MDGA2: variants seen among roughly 807,000 people sequenced by gnomAD.
The protein encoded by MDGA2 is MAM domain-containing glycosylphosphatidylinositol anchor protein 2.
Under a neutral mutation model 117.8 loss-of-function variants are expected in MDGA2, and 40 were observed. The ratio of observed to expected loss-of-function variants is 0.34; its 90% CI spans 0.26 to 0.44. The LOEUF is 0.44. MDGA2 is among the 20% of genes least tolerant of loss of function. MDGA2 has a pLI of 1.00. For missense variants in MDGA2, 1,123 were observed against 1,250.6 expected (o/e 0.90, Z 1.54); for synonymous variants, 452 against 439.0 (o/e 1.03, Z -0.37).
chr14:46,999,129 A>G (rs542023039), intron 8 of MDGA2, among the ~76,000 whole-genome samples: 3 of 152,228 alleles, frequency 2.0e-5, no homozygotes, highest in African/African-American at 7.2e-5. Context: ...AGTCAAATTT[A>G]AAATACAGCA....
intron 3 of MDGA2, among the ~76,000 whole-genome samples, chr14:47,192,912 A>G (rs1425143039): frequency 6.6e-6 from 1 of 152,174 alleles, no homozygotes; most frequent in Non-Finnish European, 1.5e-5. Context: ...TCCTTCCCCA[A>G]AACTCACCAG....
chr14:47,267,198 T>G (rs1181637589), intron 2 of MDGA2, among the ~76,000 whole-genome samples: 1 of 152,152 alleles, frequency 6.6e-6, no homozygotes, highest in East Asian at 1.9e-4. Flanking sequence ...ACCTCTCCAC[T>G]TTGATCTCAA....
intron 1 of MDGA2, among the ~76,000 whole-genome samples, chr14:47,348,859 AGT>A (rs1310145620): frequency 6.6e-6 from 1 of 152,210 alleles, no homozygotes; most frequent in African/African-American, 2.4e-5. Context: ...TTAGTTTGCA[AGT>A]GGAGAAAAGT....
intron 2 of MDGA2, among the ~76,000 whole-genome samples, chr14:47,230,593 A>T (rs1313590138): frequency 6.6e-6 from 1 of 151,902 alleles, no homozygotes; most frequent in East Asian, 1.9e-4. Flanking sequence ...TTATGGACAA[A>T]TTTTTACCTC....
chr14:47,013,244 G>A (rs1256033297), intron 8 of MDGA2, among the ~76,000 whole-genome samples: 1 of 152,110 alleles, frequency 6.6e-6, no homozygotes, highest in East Asian at 1.9e-4. Flanking sequence ...AACGAAGTTT[G>A]TAATATTGTA....
intron 2 of MDGA2, among the ~76,000 whole-genome samples, chr14:47,298,996 T>G (rs557574213): frequency 1.2e-4 from 18 of 152,246 alleles, no homozygotes; most frequent in African/African-American, 4.3e-4. Flanking sequence ...GCCCAGTTAA[T>G]TTTTCAATGG....
chr14:47,610,333 G>A (rs575922227), intron 1 of MDGA2, among the ~76,000 whole-genome samples: 1 of 152,150 alleles, frequency 6.6e-6, no homozygotes, highest in African/African-American at 2.4e-5. Flanking sequence ...TCAGACAAGA[G>A]AAAGTAAGGG....
intron 1 of MDGA2, among the ~76,000 whole-genome samples, chr14:47,322,452 A>C (rs942862356): frequency 1.3e-5 from 2 of 152,182 alleles, no homozygotes; most frequent in African/African-American, 4.8e-5. Flanking sequence ...TAGCAAGAAA[A>C]TAAGGAAGCC....
chr14:46,952,059 T>TA (rs1342746496), intron 9 of MDGA2, among the ~76,000 whole-genome samples: 4 of 152,064 alleles, frequency 2.6e-5, no homozygotes, highest in African/African-American at 9.6e-5. Flanking sequence ...TTTACAGAGA[T>TA]AAAACCATAG....
At chr14:47,142,999 C>T (rs111699196) in intron 4 of MDGA2, among the ~76,000 whole-genome samples, 16 of 152,246 alleles carry the variant, frequency 1.1e-4, no homozygotes, top group African/African-American at 3.9e-4. Flanking sequence ...ATAATCACTG[C>T]ATTATTCCAC....
At chr14:47,521,663 G>A (rs988108566) in intron 1 of MDGA2, among the ~76,000 whole-genome samples, 25 of 151,934 alleles carry the variant, frequency 1.6e-4, no homozygotes, top group African/African-American at 3.6e-4. Context: ...ATCTCCATAC[G>A]CATGTTTGTT....
At chr14:47,594,816 G>C (rs186700518) in intron 1 of MDGA2, among the ~76,000 whole-genome samples, 1 of 152,292 alleles carries the variant, frequency 6.6e-6, no homozygotes, top group African/African-American at 2.4e-5. Flanking sequence ...AGATGCTGGT[G>C]ATCAAATGGA....
rs571638785 is a variant in MDGA2, at chr14:47,175,161, C to T, written c.596-30887G>A. Among the ~76,000 whole-genome samples the T allele has an allele frequency of 2.9e-4, 44 of 151,456 alleles. No individual in the cohort carries two copies. The East Asian group carries it at 5.4e-3, about 19-fold the overall frequency. ...CTGAAATTGTGGCAATAATCAATAGCTTACCAACCAAAAAGAGTCCAGGAC... is the reference window on the plus strand; with the variant it reads ...CTGAAATTGTGGCAATAATCAATAGTTTACCAACCAAAAAGAGTCCAGGAC... On this transcript the variant is annotated intron_variant, in intron 3 of 16. Transcript: ENST00000399232.
chr14:47,366,146 A>G (rs1594819100), intron 1 of MDGA2, among the ~76,000 whole-genome samples: 1 of 152,146 alleles, frequency 6.6e-6, no homozygotes, highest in East Asian at 1.9e-4. Flanking sequence ...GAAAAATTCA[A>G]GCGTTCTTTC....
intron 7 of MDGA2, among the ~76,000 whole-genome samples, chr14:47,056,993 C>A (rs1288762124): frequency 1.3e-5 from 2 of 151,858 alleles, no homozygotes; most frequent in African/African-American, 4.8e-5. Flanking sequence ...TTTTAACTTA[C>A]CTGCAGTCTA....
intron 1 of MDGA2, among the ~76,000 whole-genome samples, chr14:47,540,489 TAC>T (rs1895322293): frequency 6.7e-6 from 1 of 149,716 alleles, no homozygotes; most frequent in Non-Finnish European, 1.5e-5. Context: ...TCTGTGTGTA[TAC>T]GTGTGTGTGT....
intron 15 of MDGA2, among the ~76,000 whole-genome samples, chr14:46,849,521 T>G (rs538535301): frequency 6.6e-6 from 1 of 152,020 alleles, no homozygotes; most frequent in South Asian, 2.1e-4. Flanking sequence ...ATGGTTTCTG[T>G]GTGAGTTAGA....
intron 1 of MDGA2, among the ~76,000 whole-genome samples, chr14:47,449,234 G>A (rs866684338): frequency 2.0e-5 from 3 of 152,146 alleles, no homozygotes; most frequent in Middle Eastern, 3.4e-3. Context: ...ATTTGTGTCT[G>A]AAGAGTATAC....
intron 3 of MDGA2, among the ~76,000 whole-genome samples, chr14:47,183,833 A>G (rs1884803813): frequency 6.6e-6 from 1 of 151,892 alleles, no homozygotes; most frequent in Admixed American, 6.6e-5. Context: ...TGACATGAAA[A>G]TCCCCTGGGC....
Sources: gnomAD v4.1 joint callset for allele counts (sites outside exome capture counted in the v4.1 genomes callset) on GRCh38, gnomAD v4.1.1 for gene constraint, MANE v1.5 for transcripts, NCBI Gene and HGNC (gene_info 2026-07-23, HGNC 2026-07-21) for gene names.